Variants in GLIS3 observed in about 807,000 individuals in gnomAD.
GLIS3 encodes zinc finger protein GLIS3.
GLIS3 carries 53 observed loss-of-function variants against 78.6 expected under a neutral mutation model. That is an observed-to-expected ratio of 0.67 (90% confidence interval 0.54 to 0.85). GLIS3 has a LOEUF of 0.85. GLIS3 is among the 40% of genes least tolerant of loss of function. GLIS3 has a pLI of 0.00. For synonymous variants in GLIS3, 684 were observed against 509.9 expected (o/e 1.34, Z -4.60); for missense variants, 1,703 against 1,231.1 (o/e 1.38, Z -5.74).
At chr9:3,923,078 C>T (rs1023520120) in intron 6 of GLIS3, among the ~76,000 whole-genome samples, 1 of 152,196 alleles carries the variant, frequency 6.6e-6, no homozygotes, top group Admixed American at 6.5e-5. Context: ...CTGATGATAG[C>T]ATGGCTGGGT....
chr9:4,148,994 G>A (rs1834451963), intron 2 of GLIS3, among the ~76,000 whole-genome samples: 1 of 151,948 alleles, frequency 6.6e-6, no homozygotes, highest in Non-Finnish European at 1.5e-5. Context: ...AGCCCTCCGT[G>A]GAAACAAGAT....
rs560305468 is a variant in GLIS3 at position 4,336,640 on chromosome 9, A to C, written n.264+10441T>G. ...AGACTGCAAAACCAGTAAGCGACAG[A>C]ACTAGGGTTTAGACCCAGATCCACC... On this transcript the variant is annotated intron_variant and non_coding_transcript_variant, in intron 2 of 4. Coordinates refer to the GLIS3 transcript ENST00000471664. 9.8e-5 allele frequency among the ~76,000 whole-genome samples: 15 copies of C among 152,368 alleles called. No individual in the cohort carries two copies. In the South Asian group the frequency reaches 2.9e-3, roughly 29 times the overall value.
At chr9:4,354,961 C>A in the GLIS3 span, among the ~76,000 whole-genome samples, 767 of 151,470 alleles carry the variant, frequency 5.1e-3, 7 homozygotes, top group African/African-American at 1.0e-2. Context: ...CTAAAAATAC[C>A]AAAAATTACC....
chr9:4,325,133 T>C (rs1352866638), intron 2 of GLIS3, among the ~76,000 whole-genome samples: 1 of 152,170 alleles, frequency 6.6e-6, no homozygotes, highest in African/African-American at 2.4e-5. Flanking sequence ...AACTGGTATG[T>C]CTATAAAGCC....
At chr9:3,919,433 T>G (rs1210390403) in intron 6 of GLIS3, among the ~76,000 whole-genome samples, 4 of 152,028 alleles carry the variant, frequency 2.6e-5, no homozygotes, top group Non-Finnish European at 4.4e-5. Context: ...AGTGAGAACA[T>G]GAGAACACAT....
chr9:4,095,247 T>G (rs549941285), intron 4 of GLIS3, among the ~76,000 whole-genome samples: 44 of 152,322 alleles, frequency 2.9e-4, no homozygotes, highest in Admixed American at 1.2e-3. Context: ...GAACTAGCCT[T>G]TCTACTTCTG....
At chr9:3,873,678 AAAT>A (rs1821115594) in intron 8 of GLIS3, among the ~76,000 whole-genome samples, 2 of 146,670 alleles carry the variant, frequency 1.4e-5, no homozygotes, top group South Asian at 4.1e-4. Flanking sequence ...AAAATAAAGA[AAAT>A]AAAGTCAAAG....
At chr9:3,868,814 TTTGTATACAACACTTGTTGTACATAGTG>T (rs57206406) in intron 8 of GLIS3, among the ~76,000 whole-genome samples, 149,497 of 151,478 alleles carry the variant, frequency 0.99, 73,806 homozygotes, top group Middle Eastern at 1. Context: ...CTTCTTAGCT[TTTGTATACAACACTTGTTGTACATAGTG>T]TTGTATACAA....
At chr9:4,461,974 T>G in the GLIS3 span, among the ~76,000 whole-genome samples, 12 of 152,210 alleles carry the variant, frequency 7.9e-5, no homozygotes, top group African/African-American at 1.2e-4. Flanking sequence ...AATATTATAA[T>G]AATTGGTAAA....
intron 4 of GLIS3, among the ~76,000 whole-genome samples, chr9:4,096,221 G>A (rs1051430173): frequency 5.3e-5 from 8 of 152,122 alleles, no homozygotes; most frequent in African/African-American, 1.4e-4. Flanking sequence ...TCTACATAGT[G>A]CTAAAATAAC....
intron 9 of GLIS3, among the ~76,000 whole-genome samples, chr9:3,831,061 G>A (rs908212761): frequency 5.3e-5 from 8 of 152,150 alleles, no homozygotes; most frequent in African/African-American, 1.9e-4. Context: ...ATCAAATGCA[G>A]ATTTATGGAC....
At chr9:4,335,349 A>G (rs1563937128) in intron 2 of GLIS3, among the ~76,000 whole-genome samples, 1 of 152,248 alleles carries the variant, frequency 6.6e-6, no homozygotes, top group Non-Finnish European at 1.5e-5. Flanking sequence ...GAAATTGATC[A>G]ATTAATTGTA....
chr9:4,032,095 G>A (rs10124899), intron 4 of GLIS3, among the ~76,000 whole-genome samples: 63,677 of 151,846 alleles, frequency 0.42, 13,553 homozygotes, highest in African/African-American at 0.47. Context: ...GCAGAGCAAG[G>A]GACACCAAGT....
At chr9:4,296,730 A>G (rs1816541700) in intron 1 of GLIS3, among the ~76,000 whole-genome samples, 1 of 152,158 alleles carries the variant, frequency 6.6e-6, no homozygotes, top group Non-Finnish European at 1.5e-5. Context: ...GAAAGCAATT[A>G]CAAACTACCA....
chr9:4,330,065 A>G lies in GLIS3; in HGVS notation n.264+17016T>C, dbSNP rs1817662796. ...CCCTTAATGAAAATTAACACTTTCC[A>G]TCAGGAATGCAAATACACAGAAATG... On this transcript the variant is annotated intron_variant and non_coding_transcript_variant, in intron 2 of 4. Transcript: ENST00000471664. 2.6e-5 allele frequency among the ~76,000 whole-genome samples: 4 copies of G among 152,344 alleles called. No individual in the cohort carries two copies. In the South Asian group the frequency reaches 6.2e-4, roughly 24 times the overall value.
At chr9:4,007,838 G>A (rs951223344) in intron 4 of GLIS3, among the ~76,000 whole-genome samples, 3 of 129,114 alleles carry the variant, frequency 2.3e-5, no homozygotes, top group Admixed American at 9.7e-5. Context: ...ACAGACATTC[G>A]TAAGACTATT....
At chr9:4,446,063 T>C in the GLIS3 span, among the ~76,000 whole-genome samples, 2 of 152,222 alleles carry the variant, frequency 1.3e-5, no homozygotes, top group South Asian at 2.1e-4. Flanking sequence ...TAATGGTGTG[T>C]TGCCAAACAA....
chr9:3,926,776 C>G (rs1825287175), intron 6 of GLIS3, among the ~76,000 whole-genome samples: 2 of 152,026 alleles, frequency 1.3e-5, no homozygotes, highest in Non-Finnish European at 1.5e-5. Context: ...GCGCACGCCA[C>G]CATGCCTGGC....
intron 7 of GLIS3, among the ~76,000 whole-genome samples, chr9:3,880,049 C>T (rs1821625302): frequency 6.6e-6 from 1 of 152,082 alleles, no homozygotes; most frequent in Non-Finnish European, 1.5e-5. Flanking sequence ...TCAGCTGGGG[C>T]CCCTCTCTGT....
Sources: gnomAD v4.1 joint callset for allele counts (sites outside exome capture counted in the v4.1 genomes callset) on GRCh38, gnomAD v4.1.1 for gene constraint, MANE v1.5 for transcripts, NCBI Gene and HGNC (gene_info 2026-07-23, HGNC 2026-07-21) for gene names.